The following STXBP4 variants were observed in gnomAD, a reference collection of about 807,000 sequenced individuals.
STXBP4 encodes syntaxin binding protein 4.
STXBP4 carries 55 observed loss-of-function variants against 76.1 expected under a neutral mutation model. The observed-to-expected ratio is 0.72, with a 90% confidence interval of 0.58 to 0.91. The LOEUF is 0.91. Among genes scored for constraint, STXBP4 ranks in the 40% least tolerant of loss-of-function variants. The probability of loss-of-function intolerance (pLI) is 0.00; values close to 1 mark genes in which losing one functional copy is unlikely to be tolerated. For synonymous variants in STXBP4, 201 were observed against 220.2 expected (o/e 0.91, Z 0.77); for missense variants, 618 against 636.9 (o/e 0.97, Z 0.32).
the STXBP4 span, among the ~76,000 whole-genome samples, chr17:55,205,494 G>A: frequency 6.6e-6 from 1 of 151,376 alleles, no homozygotes; most frequent in Non-Finnish European, 1.5e-5. Flanking sequence ...AGTGTTAAAA[G>A]GTAAACATAT....
chr17:55,045,226 A>G (rs1257382046), intron 11 of STXBP4, among the ~76,000 whole-genome samples: 1 of 152,100 alleles, frequency 6.6e-6, no homozygotes, highest in Non-Finnish European at 1.5e-5. Flanking sequence ...AGTATTTTAT[A>G]TATTTCTTTT....
the STXBP4 span, among the ~76,000 whole-genome samples, chr17:55,194,620 C>T: frequency 6.6e-6 from 1 of 152,152 alleles, no homozygotes; most frequent in African/African-American, 2.4e-5. Flanking sequence ...CACCTTCTGC[C>T]TCAACTAAAT....
intron 10 of STXBP4, among the ~76,000 whole-genome samples, chr17:55,041,792 T>A (rs943279006): frequency 9.2e-5 from 14 of 152,228 alleles, no homozygotes; most frequent in African/African-American, 3.1e-4. Flanking sequence ...TTGGAAGCCA[T>A]ACAGGAAATA....
chr17:55,021,889 A>T lies in STXBP4; in HGVS notation c.667-9279A>T, dbSNP rs181789314. ...ATGTATCAAAATTTGAATTTTGCCT[A>T]TGATTTTCAGGCAATAATTCCTCAT... On this transcript the variant is annotated intron_variant, in intron 8 of 17. Transcript: ENST00000376352. Among the ~76,000 whole-genome samples, 76 of 152,328 alleles carry T rather than the reference A, an allele frequency of 5.0e-4. 1 individual carries two copies. The highest frequency in any genetic ancestry group is 9.7e-4 in the Non-Finnish European group (66 of 68,014).
chr17:55,060,204 A>G (rs2078978502), intron 12 of STXBP4, among the ~76,000 whole-genome samples: 1 of 152,152 alleles, frequency 6.6e-6, no homozygotes, highest in African/African-American at 2.4e-5. Context: ...GACCATGGAT[A>G]CTATTCAGCT....
intron 16 of STXBP4, among the ~76,000 whole-genome samples, chr17:55,120,428 T>C (rs1382495980): frequency 1.3e-5 from 2 of 152,224 alleles, no homozygotes; most frequent in Non-Finnish European, 2.9e-5. Context: ...AGGAGGCAGC[T>C]TCCTGCCAGA....
At chr17:55,089,225 C>T (rs1017227128) in intron 16 of STXBP4, among the ~76,000 whole-genome samples, 2 of 152,148 alleles carry the variant, frequency 1.3e-5, no homozygotes, top group African/African-American at 4.8e-5. Context: ...CTGCCACTGC[C>T]ATGACTACTG....
At position 55,162,078 on chromosome 17, in the gene STXBP4, G is replaced by A. The variant is rs1290523923; in HGVS notation, c.*2167G>A. On this transcript the variant is annotated 3_prime_UTR_variant, in exon 18 of 18. Transcript: ENST00000376352. ...AGGAGAAAATGGAAACACTATCCCAGCAATCTGAATTCCTTACTTGGGGAA... is the reference window on the plus strand; with the variant it reads ...AGGAGAAAATGGAAACACTATCCCAACAATCTGAATTCCTTACTTGGGGAA... 1.3e-5 allele frequency: 2 copies of A among 152,194 alleles called. No individual in the cohort carries two copies. Among genetic ancestry groups the A allele is most frequent in the African/African-American group, 2.4e-5 (1 of 41,434 alleles). The allele number at this position is 152,194 out of a possible 1,614,324, so 9.4% of individuals were successfully genotyped here. A position where few individuals can be genotyped will look rare whatever the true frequency, so the allele number is the denominator to read the frequency against.
intron 16 of STXBP4, among the ~76,000 whole-genome samples, chr17:55,140,676 T>C (rs1380613306): frequency 6.6e-6 from 1 of 152,150 alleles, no homozygotes. Flanking sequence ...TCCACATCTC[T>C]TTATAGCTAA....
intron 16 of STXBP4, among the ~76,000 whole-genome samples, chr17:55,112,553 T>A (rs939377005): frequency 2.0e-5 from 3 of 152,088 alleles, no homozygotes; most frequent in African/African-American, 7.2e-5. Flanking sequence ...TGGAGGTTGG[T>A]AGAACCATTA....
At chr17:55,185,438 G>A in the STXBP4 span, among the ~76,000 whole-genome samples, 1 of 151,472 alleles carries the variant, frequency 6.6e-6, no homozygotes. Flanking sequence ...GCTCTCAAGT[G>A]GGGTGTGTGT....
chr17:55,137,815 C>G (rs2080049804), intron 16 of STXBP4, among the ~76,000 whole-genome samples: 1 of 152,066 alleles, frequency 6.6e-6, no homozygotes. Flanking sequence ...CAAGTTTCTC[C>G]TCATAAGTGT....
In STXBP4 at chr17:55,017,904, C is replaced by T. The variant is rs558475656; in HGVS notation, c.666+10307C>T. ...CTGGCCGACAGGTGCCCAGTATTTT[C>T]CTCCAATTCTAAGGAAAGATAGGAC... On this transcript the variant is annotated intron_variant, in intron 8 of 17. Transcript: ENST00000376352. 6.6e-5 allele frequency among the ~76,000 whole-genome samples: 10 copies of T among 152,294 alleles called. No individual in the cohort carries two copies. In the Middle Eastern group the frequency reaches 0.017, roughly 259 times the overall value.
chr17:55,213,128 G>T, the STXBP4 span, among the ~76,000 whole-genome samples: 1 of 151,978 alleles, frequency 6.6e-6, no homozygotes, highest in African/African-American at 2.4e-5. Flanking sequence ...TGCGGTGGTT[G>T]GGAAGAAACT....
intron 7 of STXBP4, among the ~76,000 whole-genome samples, chr17:55,001,718 C>T (rs190359207): frequency 3.3e-5 from 5 of 152,214 alleles, no homozygotes; most frequent in East Asian, 1.9e-4. Context: ...GTCGAAGTTC[C>T]GCCTCCTGGG....
the STXBP4 span, among the ~76,000 whole-genome samples, chr17:55,185,987 G>A: frequency 6.6e-6 from 1 of 152,230 alleles, no homozygotes; most frequent in Non-Finnish European, 1.5e-5. Flanking sequence ...GCATGAAGCA[G>A]CCTGGACTTT....
intron 16 of STXBP4, among the ~76,000 whole-genome samples, chr17:55,125,322 G>A (rs1388414573): frequency 1.3e-5 from 2 of 151,958 alleles, no homozygotes; most frequent in Non-Finnish European, 2.9e-5. Flanking sequence ...TTTGGTGTCA[G>A]TATCCAATTT....
intron 7 of STXBP4, among the ~76,000 whole-genome samples, chr17:55,004,826 G>C (rs1005908646): frequency 1.3e-5 from 2 of 151,750 alleles, no homozygotes; most frequent in African/African-American, 2.4e-5. Context: ...GAAGGAGAGA[G>C]AGCCAAGAGA....
intron 16 of STXBP4, among the ~76,000 whole-genome samples, chr17:55,085,045 C>T (rs1282613069): frequency 2.0e-5 from 3 of 152,188 alleles, no homozygotes; most frequent in East Asian, 1.9e-4. Flanking sequence ...ATGATGAGTT[C>T]GTGTCCTTTG....
Sources: gnomAD v4.1 joint callset for allele counts (sites outside exome capture counted in the v4.1 genomes callset) on GRCh38, gnomAD v4.1.1 for gene constraint, MANE v1.5 for transcripts, NCBI Gene and HGNC (gene_info 2026-07-23, HGNC 2026-07-21) for gene names.